Variants in DENND1A observed in about 807,000 individuals in gnomAD.
DENND1A encodes the protein DENN domain-containing protein 1A.
A neutral mutation model predicts 113.7 loss-of-function variants in DENND1A; 51 were observed. That is an observed-to-expected ratio of 0.45 (90% CI 0.36 to 0.57). The LOEUF (loss-of-function observed/expected upper bound fraction) is 0.57, where lower values mean the gene tolerates loss of function less well. Ranked by LOEUF, DENND1A falls within the 20% of genes least tolerant of loss-of-function variation. The pLI is 0.00. For missense variants in DENND1A, 1,258 were observed against 1,395.9 expected, an observed-to-expected ratio of 0.90 and a Z score of 1.57; for synonymous variants, 565 against 570.8, an observed-to-expected ratio of 0.99 and a Z score of 0.14.
chr9:123,774,166 A>G (rs568332380), intron 3 of DENND1A, among the ~76,000 whole-genome samples: 1 of 152,270 alleles, frequency 6.6e-6, no homozygotes, highest in Admixed American at 6.5e-5. Flanking sequence ...TTTTAATACC[A>G]TAAGGGAAAT....
intron 5 of DENND1A, among the ~76,000 whole-genome samples, chr9:123,689,127 C>T (rs1404673773): frequency 2.0e-5 from 3 of 152,112 alleles, no homozygotes; most frequent in Non-Finnish European, 2.9e-5. Context: ...CAGCTTCAAG[C>T]GATCCTCCCA....
intron 5 of DENND1A, among the ~76,000 whole-genome samples, chr9:123,728,497 A>AAAAAAC (rs1333703104): frequency 6.8e-6 from 1 of 146,826 alleles, no homozygotes; most frequent in African/African-American, 2.6e-5. Flanking sequence ...AAAAAAAAAA[A>AAAAAAC]AAAAAAAAAA....
rs2051907958 is a variant in DENND1A, at chr9:123,496,273, C to T, written c.994-38376G>A. ...AGGTAAGAAACAAACTTTGGAGGAG[C>T]ATTGTCATTGCTTCCAAAAAAGGAG... On this transcript the variant is annotated intron_variant, in intron 13 of 23. Coordinates refer to ENST00000394215, the MANE Select transcript of DENND1A (RefSeq NM_001352964.2). Among the ~76,000 whole-genome samples the T allele has an allele frequency of 1.3e-5, 2 of 152,270 alleles. 1 individual carries two copies. The highest frequency in any genetic ancestry group is 4.1e-4 in the South Asian group (2 of 4,820).
chr9:123,675,325 G>T (rs1044617021), intron 6 of DENND1A, among the ~76,000 whole-genome samples: 1 of 152,108 alleles, frequency 6.6e-6, no homozygotes, highest in Non-Finnish European at 1.5e-5. Context: ...GAATTAAAGG[G>T]GTTTGGGGCA....
intron 2 of DENND1A, among the ~76,000 whole-genome samples, chr9:123,809,317 T>A (rs1374148581): frequency 6.6e-6 from 1 of 152,226 alleles, no homozygotes; most frequent in East Asian, 1.9e-4. Context: ...TTGGCATGAA[T>A]CTTAAAATGT....
intron 12 of DENND1A, among the ~76,000 whole-genome samples, chr9:123,581,864 A>C (rs1422718959): frequency 6.6e-6 from 1 of 152,170 alleles, no homozygotes; most frequent in Non-Finnish European, 1.5e-5. Flanking sequence ...AGAGCTACGG[A>C]GGCCAAAGCA....
In DENND1A at chr9:123,553,404, C is replaced by T. The variant is rs572888866; in HGVS notation, c.993+4166G>A. On this transcript the variant is annotated intron_variant, in intron 13 of 23. Transcript: ENST00000394215. ...ACATTTGCCTTTTTAAAAGCCGCCCCCCCCCCGCTCCTCATCCCTCCGTGA... is the reference window on the plus strand; with the variant it reads ...ACATTTGCCTTTTTAAAAGCCGCCCTCCCCCCGCTCCTCATCCCTCCGTGA... Among the ~76,000 whole-genome samples, 662 of 151,448 alleles carry T rather than the reference C, an allele frequency of 4.4e-3. 8 individuals are homozygous for T. Among genetic ancestry groups the T allele is most frequent in the African/African-American group, 0.015 (638 of 41,314 alleles).
intron 2 of DENND1A, among the ~76,000 whole-genome samples, chr9:123,831,439 A>C (rs1840193387): frequency 6.6e-6 from 1 of 152,244 alleles, no homozygotes; most frequent in South Asian, 2.1e-4. Context: ...AGGGAAATTA[A>C]CAAACCAATT....
At chr9:123,773,455 T>G (rs902617888) in intron 3 of DENND1A, among the ~76,000 whole-genome samples, 9 of 152,208 alleles carry the variant, frequency 5.9e-5, no homozygotes, top group Non-Finnish European at 1.3e-4. Flanking sequence ...CTGTTGATAC[T>G]GAGCCTAAGA....
intron 1 of DENND1A, among the ~76,000 whole-genome samples, chr9:123,898,297 G>C (rs1410457640): frequency 6.6e-6 from 1 of 151,776 alleles, no homozygotes; most frequent in Non-Finnish European, 1.5e-5. Context: ...AGTTATGAGG[G>C]TCTCATATGT....
At chr9:123,746,906 T>G (rs1441060675) in intron 5 of DENND1A, among the ~76,000 whole-genome samples, 1 of 152,184 alleles carries the variant, frequency 6.6e-6, no homozygotes, top group East Asian at 1.9e-4. Context: ...AATTAAATTT[T>G]CTCCAAAGTT....
intron 2 of DENND1A, among the ~76,000 whole-genome samples, chr9:123,799,286 A>T (rs1045805083): frequency 1.3e-5 from 2 of 152,240 alleles, no homozygotes; most frequent in Admixed American, 6.5e-5. Context: ...CTATCAAATC[A>T]ATTTTATCAT....
Position 123,648,175 on chromosome 9 carries a change from G to A in DENND1A, c.618+3838C>T, listed in dbSNP as rs550288484. Among the ~76,000 whole-genome samples the A allele has an allele frequency of 1.0e-3, 155 of 152,232 alleles. 2 individuals carry two copies. The highest frequency in any genetic ancestry group is 1.0e-3 in the South Asian group (5 of 4,826). ...CCTTACTGCAAAGCCATGATCCTGGGCTCAAGTGATCTTCCCGCCTCAGCA... is the reference window on the plus strand; with the variant it reads ...CCTTACTGCAAAGCCATGATCCTGGACTCAAGTGATCTTCCCGCCTCAGCA... On this transcript the variant is annotated intron_variant, in intron 9 of 23. Transcript: ENST00000394215.
chr9:123,858,911 T>C (rs1844671477), intron 2 of DENND1A, among the ~76,000 whole-genome samples: 1 of 152,156 alleles, frequency 6.6e-6, no homozygotes. Flanking sequence ...GGAAAGATTA[T>C]GCCAGGGATT....
At chr9:123,516,079 T>C (rs1163665842) in intron 13 of DENND1A, among the ~76,000 whole-genome samples, 1 of 147,548 alleles carries the variant, frequency 6.8e-6, no homozygotes, top group Non-Finnish European at 1.5e-5. Context: ...GTCTCAATTA[T>C]ATATATATAG....
intron 6 of DENND1A, 46 bp downstream of exon 6, chr9:123,676,674 A>G (rs2140106680): frequency 1.9e-6 from 3 of 1,565,840 alleles, no homozygotes; most frequent in African/African-American, 2.7e-5. Context: ...CATCATAAAA[A>G]TTAAAGCTTA....
intron 2 of DENND1A, among the ~76,000 whole-genome samples, chr9:123,849,794 A>G (rs1843082491): frequency 6.6e-6 from 1 of 152,234 alleles, no homozygotes; most frequent in South Asian, 2.1e-4. Context: ...CAAAATACCA[A>G]CATTAACAAG....
chr9:123,419,034 C>T (rs2044997857), intron 19 of DENND1A, among the ~76,000 whole-genome samples: 1 of 152,258 alleles, frequency 6.6e-6, no homozygotes, highest in African/African-American at 2.4e-5. Context: ...ACTGCTGGGA[C>T]AGCAGGGCCA....
intron 5 of DENND1A, among the ~76,000 whole-genome samples, chr9:123,708,993 G>A (rs1351881797): frequency 6.6e-6 from 1 of 152,160 alleles, no homozygotes; most frequent in Non-Finnish European, 1.5e-5. Context: ...CCCCGCCTCA[G>A]CCCTTTTTGG....
Sources: gnomAD v4.1 joint callset for allele counts (sites outside exome capture counted in the v4.1 genomes callset) on GRCh38, gnomAD v4.1.1 for gene constraint, MANE v1.5 for transcripts, NCBI Gene and HGNC (gene_info 2026-07-23, HGNC 2026-07-21) for gene names.